The following POU3F3 variants were observed in gnomAD, a reference collection of about 807,000 sequenced individuals.
POU3F3 encodes the protein POU domain, class 3, transcription factor 3.
Under a neutral mutation model 8.6 loss-of-function variants are expected in POU3F3, and 1 was observed. The ratio of observed to expected loss-of-function variants is 0.12; its 90% CI spans 0.04 to 0.55. POU3F3 has a LOEUF of 0.55. POU3F3 is among the 20% of genes least tolerant of loss of function. The probability of loss-of-function intolerance (pLI) is 0.91; values close to 1 mark genes in which losing one functional copy is unlikely to be tolerated. For synonymous variants in POU3F3, 418 were observed against 327.4 expected (o/e 1.28, Z -2.99); for missense variants, 577 against 690.7 (o/e 0.84, Z 1.84).
the POU3F3 span, among the ~76,000 whole-genome samples, chr2:104,896,726 C>T: frequency 1.3e-5 from 2 of 152,184 alleles, no homozygotes; most frequent in Non-Finnish European, 2.9e-5. Flanking sequence ...ATTCTCTCGT[C>T]GAACCTTGGT....
At chr2:104,921,719 C>T in the POU3F3 span, among the ~76,000 whole-genome samples, 380 of 152,190 alleles carry the variant, frequency 2.5e-3, 1 homozygote, top group African/African-American at 8.7e-3. Flanking sequence ...ACCACATAGC[C>T]AGGCATGGTG....
chr2:104,913,930 C>T, the POU3F3 span, among the ~76,000 whole-genome samples: 1 of 152,142 alleles, frequency 6.6e-6, no homozygotes, highest in Non-Finnish European at 1.5e-5. Flanking sequence ...TTAGCGGAGG[C>T]TCATTCACAG....
chr2:104,866,272 GGCTTTCTGCTTTTCGGTGAGGAGGGGC>G, the POU3F3 span: 1 of 152,246 alleles, frequency 6.6e-6, no homozygotes, highest in Non-Finnish European at 1.5e-5. Flanking sequence ...ACCTGAAACG[GGCTTTCTGCTTTTCGGTGAGGAGGGGC>G]GGCCGAGGTC....
the POU3F3 span, among the ~76,000 whole-genome samples, chr2:104,894,132 A>ATCC: frequency 6.6e-6 from 1 of 152,160 alleles, no homozygotes; most frequent in Non-Finnish European, 1.5e-5. Context: ...GTGCCTCAGT[A>ATCC]TCCTTGTGTG....
the POU3F3 span, among the ~76,000 whole-genome samples, chr2:104,899,893 A>G: frequency 2.6e-5 from 4 of 152,126 alleles, no homozygotes; most frequent in Non-Finnish European, 5.9e-5. Context: ...AGGTGAGGGC[A>G]CTCCCAACCA....
the POU3F3 span, among the ~76,000 whole-genome samples, chr2:104,910,935 G>T: frequency 6.6e-6 from 1 of 152,088 alleles, no homozygotes; most frequent in African/African-American, 2.4e-5. Context: ...AACTTACATA[G>T]TATTTACATT....
At chr2:104,880,421 G>A in the POU3F3 span, among the ~76,000 whole-genome samples, 555 of 152,256 alleles carry the variant, frequency 3.6e-3, 1 homozygote, top group Non-Finnish European at 6.5e-3. Flanking sequence ...AGTGGAGACC[G>A]TGAGACCTGT....
chr2:104,927,669 C>T, the POU3F3 span, among the ~76,000 whole-genome samples: 2 of 148,372 alleles, frequency 1.3e-5, no homozygotes, highest in African/African-American at 5.0e-5. Flanking sequence ...ATTGTTCAAG[C>T]CCAAGAGTTT....
chr2:104,891,569 G>A, the POU3F3 span, among the ~76,000 whole-genome samples: 3 of 152,124 alleles, frequency 2.0e-5, no homozygotes, highest in South Asian at 2.1e-4. Context: ...TGTGATAGAA[G>A]GGTTTGAAGG....
At position 104,856,317 on chromosome 2, in the gene POU3F3, G is replaced by C; in HGVS notation, c.807G>C (p.Glu269Asp). The change falls in exon 1 of 1, where the codon GAG becomes GAC. Residue 269 changes from glutamate to aspartate, a missense_variant. Glu to Asp is a conservative substitution (Grantham distance 45). This residue lies in a region of POU3F3 where 484 missense variants were observed against 422.6 expected (regional missense o/e 1.15). Coordinates refer to ENST00000361360, the MANE Select transcript of POU3F3 (RefSeq NM_006236.3). ...LVRGDTPELA[E>D]HHHHHHHHAH... is the part of the protein sequence containing the mutation. ...GCGGGGACACGCCAGAGCTGGCCGA[G>C]CACCACCACCACCACCACCACCACG... 6.7e-7 allele frequency: 1 copy of C among 1,503,162 alleles called. No individual in the cohort carries two copies. The highest frequency in any genetic ancestry group is 8.8e-7 in the Non-Finnish European group (1 of 1,132,178). The allele number at this position is 1,503,162 out of a possible 1,614,324, so 93.1% of individuals were successfully genotyped here. A position where few individuals can be genotyped will look rare whatever the true frequency, so the allele number is the denominator to read the frequency against.
chr2:104,886,433 G>A, the POU3F3 span, among the ~76,000 whole-genome samples: 1 of 152,210 alleles, frequency 6.6e-6, no homozygotes, highest in South Asian at 2.1e-4. Flanking sequence ...TAGAGCCTAC[G>A]TGTGTAACAG....
At chr2:104,886,579 G>A in the POU3F3 span, among the ~76,000 whole-genome samples, 68 of 151,610 alleles carry the variant, frequency 4.5e-4, no homozygotes, top group African/African-American at 1.6e-3. Context: ...AGAATTCAGG[G>A]CAAGTTCGTA....
the POU3F3 span, among the ~76,000 whole-genome samples, chr2:104,883,733 T>C: frequency 6.6e-6 from 1 of 152,336 alleles, no homozygotes; most frequent in Non-Finnish European, 1.5e-5. Context: ...TGTTCTGAAG[T>C]TGCAAACATC....
At chr2:104,924,138 T>C in the POU3F3 span, among the ~76,000 whole-genome samples, 2 of 152,194 alleles carry the variant, frequency 1.3e-5, no homozygotes, top group Non-Finnish European at 2.9e-5. Flanking sequence ...GAAAAGATGG[T>C]AAATTTCATG....
At position 104,856,644 on chromosome 2, in the gene POU3F3, G is replaced by A. The variant is rs777608264; in HGVS notation, c.1134G>A (p.Pro378=). The A allele has an allele frequency of 2.5e-6, 4 of 1,614,074 alleles. No homozygotes were observed. Among genetic ancestry groups the A allele is most frequent in the South Asian group, 1.1e-5 (1 of 91,092 alleles). Reference sequence around the variant, plus strand: ...TCAAGAACATGTGCAAGCTCAAGCCGCTGCTGAACAAGTGGCTGGAGGAGG... The same window carrying A: ...TCAAGAACATGTGCAAGCTCAAGCCACTGCTGAACAAGTGGCTGGAGGAGG... ...LSFKNMCKLK[P]LLNKWLEEAD... is the part of the protein sequence containing the mutation. Residue 378 remains proline (P), a synonymous_variant, in exon 1 of 1, where the codon CCG becomes CCA. Coordinates refer to ENST00000361360, the MANE Select transcript of POU3F3 (RefSeq NM_006236.3).
At chr2:104,886,421 C>T in the POU3F3 span, among the ~76,000 whole-genome samples, 1 of 152,114 alleles carries the variant, frequency 6.6e-6, no homozygotes, top group Non-Finnish European at 1.5e-5. Context: ...TAGGCCATTC[C>T]ATAGAGCCTA....
Position 104,855,768 on chromosome 2 carries a change from C to T in POU3F3, c.258C>T (p.Asn86=). 3.0e-6 allele frequency: 4 copies of T among 1,321,824 alleles called. No homozygotes were observed. Among genetic ancestry groups the T allele is most frequent in the African/African-American group, 3.2e-5 (2 of 63,392 alleles). 81.9% of individuals were successfully genotyped at this position (1,321,824 alleles called of 1,614,324 possible). A position where few individuals can be genotyped will look rare whatever the true frequency, so the allele number is the denominator to read the frequency against. ...TGCAGGGGGCCATGGCCGCCAGCAA[C>T]GGCGGCCATATGCTGAGCCACGCGC... ...DFMQGAMAAS[N]GGHMLSHAHQ... The change falls in exon 1 of 1, where the codon AAC becomes AAT. Residue 86 remains asparagine, a synonymous_variant. Transcript: ENST00000361360.
the POU3F3 span, among the ~76,000 whole-genome samples, chr2:104,880,818 G>A: frequency 6.6e-6 from 1 of 152,090 alleles, no homozygotes; most frequent in Non-Finnish European, 1.5e-5. Flanking sequence ...GCTTGGGACA[G>A]GTTTTCTTTA....
the POU3F3 span, among the ~76,000 whole-genome samples, chr2:104,919,160 C>T: frequency 2.0e-5 from 3 of 152,194 alleles, no homozygotes. Context: ...CGTGAGCCAC[C>T]ATGCCTGGTC....
Sources: gnomAD v4.1 joint callset for allele counts (sites outside exome capture counted in the v4.1 genomes callset) on GRCh38, gnomAD v4.1.1 for gene constraint, gnomAD v4.1.1 regional missense constraint, MANE v1.5 for transcripts, NCBI Gene and HGNC (gene_info 2026-07-23, HGNC 2026-07-21) for gene names.